The following ESF1 variants were observed in gnomAD, a reference collection of about 807,000 sequenced individuals.
The protein encoded by ESF1 is ESF1 nucleolar pre-rRNA processing protein.
Under a neutral mutation model 92.0 loss-of-function variants are expected in ESF1, and 58 were observed. That is an observed-to-expected ratio of 0.63 (90% CI 0.51 to 0.78). ESF1 has a LOEUF of 0.78. Among genes scored for constraint, ESF1 ranks in the 30% least tolerant of loss-of-function variants. The pLI, the probability that ESF1 is intolerant of heterozygous loss-of-function variation, is 0.00. For missense variants in ESF1, 922 were observed against 989.1 expected (o/e 0.93, Z 0.91); for synonymous variants, 321 against 313.7 (o/e 1.02, Z -0.24).
At position 13,728,778 on chromosome 20, in the gene ESF1, A is replaced by G. The variant is rs180759778; in HGVS notation, c.1951-313T>C. ...GCTCCTCGTGAGGCTGAGGCAGGAG[A>G]ATCACTTGAACCCAGGAGGAAGAGG... On this transcript the variant is annotated intron_variant, in intron 10 of 13. Coordinates refer to ENST00000617257, the MANE Select transcript of ESF1 (RefSeq NM_001276380.2). 7.2e-4 allele frequency among the ~76,000 whole-genome samples: 109 copies of G among 152,140 alleles called. 1 individual carries two copies. The highest frequency in any genetic ancestry group is 2.4e-3 in the African/African-American group (101 of 41,504).
At chr20:13,764,434 A>G (rs1326683466) in intron 8 of ESF1, among the ~76,000 whole-genome samples, 1 of 152,192 alleles carries the variant, frequency 6.6e-6, no homozygotes, top group Non-Finnish European at 1.5e-5. Context: ...TTAAGCAAAG[A>G]GCATATACAT....
chr20:13,738,317 C>CTT (rs33948226), intron 9 of ESF1, among the ~76,000 whole-genome samples: 4,545 of 144,440 alleles, frequency 0.031, 152 homozygotes, highest in Admixed American at 0.085. Flanking sequence ...CTCTCCTAAA[C>CTT]TTTTTTTTTT....
At chr20:13,723,043 C>A (rs1460192687) in intron 11 of ESF1, among the ~76,000 whole-genome samples, 1 of 152,092 alleles carries the variant, frequency 6.6e-6, no homozygotes, top group Non-Finnish European at 1.5e-5. Context: ...CAGAATACAT[C>A]CATGGAAAAA....
intron 9 of ESF1, among the ~76,000 whole-genome samples, chr20:13,747,310 T>C (rs1482143417): frequency 6.7e-6 from 1 of 148,750 alleles, no homozygotes; most frequent in Non-Finnish European, 1.5e-5. Context: ...TCTGTAATCC[T>C]AGCATTTTGA....
In ESF1 at chr20:13,782,931, A is replaced by G; in HGVS notation, c.210T>C (p.Arg70=). ...ISHSTTEDLK[R]FYDLSDSDSN... ...AATCAGAATCTGAAAGGTCGTAAAA[A>G]CGCTTCAAATCCTCTGTAGTGCTAT... The change falls in exon 2 of 14, where the codon CGT becomes CGC. Residue 70 remains arginine (R), a synonymous_variant. Transcript: ENST00000617257. 1 of 1,614,108 alleles carries G rather than the reference A, an allele frequency of 6.2e-7. No individual in the cohort carries two copies. The highest frequency in any genetic ancestry group is 8.5e-7 in the Non-Finnish European group (1 of 1,180,014).
intron 9 of ESF1, among the ~76,000 whole-genome samples, chr20:13,752,188 C>T (rs558351611): frequency 1.3e-5 from 2 of 152,254 alleles, no homozygotes; most frequent in South Asian, 4.2e-4. Context: ...TGACTCCAAT[C>T]TTTTTGCACA....
intron 2 of ESF1, among the ~76,000 whole-genome samples, chr20:13,777,535 T>C (rs1340990092): frequency 3.3e-5 from 5 of 152,310 alleles, no homozygotes; most frequent in Non-Finnish European, 5.9e-5. Context: ...TCATACGCAG[T>C]TGACAACAGA....
intron 9 of ESF1, among the ~76,000 whole-genome samples, chr20:13,740,554 T>A (rs1314810173): frequency 6.6e-6 from 1 of 152,144 alleles, no homozygotes; most frequent in Non-Finnish European, 1.5e-5. Context: ...AAACAGGATT[T>A]CCAGAAGGAG....
intron 9 of ESF1, among the ~76,000 whole-genome samples, chr20:13,737,151 G>A (rs1330656739): frequency 6.6e-6 from 1 of 152,100 alleles, no homozygotes; most frequent in Non-Finnish European, 1.5e-5. Context: ...TTTTAGTTTT[G>A]CACAAATTTG....
At chr20:13,721,140 G>T (rs1441683188) in intron 11 of ESF1, among the ~76,000 whole-genome samples, 1 of 151,998 alleles carries the variant, frequency 6.6e-6, no homozygotes, top group Non-Finnish European at 1.5e-5. Flanking sequence ...AAAAAGAAAA[G>T]AAATGACTGC....
At chr20:13,780,589 C>T (rs1407412429) in intron 2 of ESF1, among the ~76,000 whole-genome samples, 2 of 152,182 alleles carry the variant, frequency 1.3e-5, no homozygotes, top group Non-Finnish European at 2.9e-5. Context: ...ACAGTGTGAT[C>T]TCTGCTTATC....
intron 8 of ESF1, among the ~76,000 whole-genome samples, chr20:13,760,775 C>T (rs1979152974): frequency 6.6e-6 from 1 of 150,904 alleles, no homozygotes; most frequent in Non-Finnish European, 1.5e-5. Context: ...CAGCCCCCGC[C>T]CGGCCAGCCA....
intron 11 of ESF1, among the ~76,000 whole-genome samples, chr20:13,723,132 T>A (rs1214042816): frequency 2.0e-5 from 3 of 152,232 alleles, no homozygotes; most frequent in African/African-American, 7.2e-5. Flanking sequence ...CTTGTTCCCA[T>A]AATAAACTTC....
At chr20:13,730,416 C>T (rs1381082180) in intron 10 of ESF1, among the ~76,000 whole-genome samples, 17 of 145,570 alleles carry the variant, frequency 1.2e-4, no homozygotes, top group Non-Finnish European at 2.3e-4. Flanking sequence ...CGGAGTCTCA[C>T]TCTGTTGCCC....
chr20:13,783,017 A>G lies in ESF1; in HGVS notation c.124T>C (p.Phe42Leu). 6.2e-7 allele frequency: 1 copy of G among 1,614,122 alleles called. No homozygotes were observed. Among genetic ancestry groups the G allele is most frequent in the Non-Finnish European group, 8.5e-7 (1 of 1,180,020 alleles). ...VKIDKRFRAM[F>L]HDKKFKLNYA... ...TTCAACTTGAACTTCTTGTCATGAA[A>G]CATGGCTCGAAATCTCTTGTCAATT... The change falls in exon 2 of 14, where the codon TTT becomes CTT. Residue 42 changes from phenylalanine to leucine, a missense_variant. Transcript: ENST00000617257.
chr20:13,719,868 A>G (rs996999382), intron 11 of ESF1, among the ~76,000 whole-genome samples: 4 of 152,222 alleles, frequency 2.6e-5, no homozygotes, highest in African/African-American at 9.6e-5. Context: ...TTTGACAGTC[A>G]CTACCTGTAA....
chr20:13,722,606 T>TTGGAAGGCTGAAGGAGGAAGATTGC (rs1367565626), intron 11 of ESF1, among the ~76,000 whole-genome samples: 1 of 152,098 alleles, frequency 6.6e-6, no homozygotes, highest in African/African-American at 2.4e-5. Flanking sequence ...TCCCAGCACT[T>TTGGAAGGCTGAAGGAGGAAGATTGC]TGGAAGGCTG....
intron 8 of ESF1, among the ~76,000 whole-genome samples, chr20:13,763,490 A>C (rs1227482102): frequency 6.6e-6 from 1 of 152,266 alleles, no homozygotes. Flanking sequence ...TCACAAGTGT[A>C]CATAAAAAGT....
intron 7 of ESF1, among the ~76,000 whole-genome samples, chr20:13,768,440 G>C (rs1189224913): frequency 6.6e-6 from 1 of 152,058 alleles, no homozygotes; most frequent in African/African-American, 2.4e-5. Context: ...AAATTAGCTG[G>C]GCATGGTGGC....
Sources: gnomAD v4.1 joint callset for allele counts (sites outside exome capture counted in the v4.1 genomes callset) on GRCh38, gnomAD v4.1.1 for gene constraint, MANE v1.5 for transcripts, NCBI Gene and HGNC (gene_info 2026-07-23, HGNC 2026-07-21) for gene names.